The following DNAH11 variants were observed in gnomAD, a reference collection of about 807,000 sequenced individuals.
The protein encoded by DNAH11 is dynein axonemal heavy chain 11, also known as axonemal beta dynein heavy chain 11.
A neutral mutation model predicts 526.0 loss-of-function variants in DNAH11; 442 were observed. That is an observed-to-expected ratio of 0.84 (90% CI 0.78 to 0.91). The LOEUF (loss-of-function observed/expected upper bound fraction) is 0.91. DNAH11 is among the 40% of genes least tolerant of loss of function. DNAH11 has a pLI of 0.00. For missense variants in DNAH11, 6,989 were observed against 5,448.7 expected, an observed-to-expected ratio of 1.28 and a Z score of -8.90; for synonymous variants, 2,461 against 1,935.9, an observed-to-expected ratio of 1.27 and a Z score of -7.12.
chr7:21,819,624 G>A (rs1292973083), intron 65 of DNAH11, among the ~76,000 whole-genome samples: 8 of 152,096 alleles, frequency 5.3e-5, no homozygotes, highest in African/African-American at 1.2e-4. Context: ...TGTTCTCTGA[G>A]CTTCAATTTC....
At chr7:21,855,095 GA>G (rs1170119131) in intron 68 of DNAH11, among the ~76,000 whole-genome samples, 2 of 144,592 alleles carry the variant, frequency 1.4e-5, no homozygotes, top group African/African-American at 2.6e-5. Flanking sequence ...GCAGTGGCGC[GA>G]TCTTGGCTCA....
chr7:21,750,243 G>A lies in DNAH11; in HGVS notation c.8819G>A (p.Ser2940Asn). 6.2e-7 allele frequency: 1 copy of A among 1,606,242 alleles called. No individual in the cohort carries two copies. Residue 2940 changes from serine (S) to asparagine (N), a missense_variant, in exon 54 of 82, where the codon AGC becomes AAC. Ser to Asn is a conservative substitution (Grantham distance 46, BLOSUM62 1). Coordinates refer to ENST00000409508, the MANE Select transcript of DNAH11 (RefSeq NM_001277115.2). ...LASGEIPDLF[S>N]DEDVDKIISG... The stretch of plus-strand genomic sequence containing the variant: ...GCAGGAGAAATCCCAGATCTGTTCA[G>A]CGATGAAGATGTGGACAAGATAATT...
At position 21,778,957 on chromosome 7, in the gene DNAH11, G is replaced by T; in HGVS notation, c.9337-1G>T. The T allele has an allele frequency of 6.2e-7, 1 of 1,612,812 alleles. No homozygotes were observed. The stretch of plus-strand genomic sequence containing the variant: ...CGTAAGAATAATGACTTTTGCTTTA[G>T]GTGGGAGATCTAAAAGCCAGACTTG... On this transcript the variant is annotated splice_acceptor_variant, in intron 56 of 81. Coordinates refer to ENST00000409508, the MANE Select transcript of DNAH11 (RefSeq NM_001277115.2). LOFTEE classifies it high-confidence loss of function.
rs1465738261 is a variant in DNAH11 at position 21,543,569 on chromosome 7, C to A, written c.324C>A (p.Ala108=). Residue 108 remains alanine, a synonymous_variant, in exon 1 of 82, where the codon GCC becomes GCA. Transcript: ENST00000409508. ...CTTGCCTTGTGTTTAGCTTCGCCGC[C>A]TCGGGGCGCCTTGCGGCTTCCCAGG... The part of the protein sequence containing the change: ...SPACLVFSFA[A]SGRLAASQEI... The A allele has an allele frequency of 3.1e-6, 5 of 1,601,852 alleles. No individual in the cohort carries two copies. The South Asian group carries it at 5.6e-5, about 18-fold the overall frequency.
At chr7:21,663,368 G>A (rs971376905) in intron 30 of DNAH11, among the ~76,000 whole-genome samples, 2 of 151,952 alleles carry the variant, frequency 1.3e-5, no homozygotes, top group Non-Finnish European at 2.9e-5. Context: ...GTCAAATGCT[G>A]GTTCTATTAT....
chr7:21,706,436 C>G (rs1391035151), intron 39 of DNAH11, among the ~76,000 whole-genome samples: 2 of 151,442 alleles, frequency 1.3e-5, no homozygotes, highest in African/African-American at 4.9e-5. Flanking sequence ...GATCAGAACC[C>G]AAAGTGGAAC....
chr7:21,790,813 G>A (rs1314900743), intron 61 of DNAH11, among the ~76,000 whole-genome samples: 1 of 152,182 alleles, frequency 6.6e-6, no homozygotes, highest in African/African-American at 2.4e-5. Context: ...CATGAACAGG[G>A]AAATCATGAA....
chr7:21,619,083 T>C lies in DNAH11; in HGVS notation c.4255-17T>C, dbSNP rs761354812. ...TATATGTGGAATATAAAGTCTAACTTTTTTTCCCCCAATCAGGTCAAGTTT... is the reference window on the plus strand; with the variant it reads ...TATATGTGGAATATAAAGTCTAACTCTTTTTCCCCCAATCAGGTCAAGTTT... On this transcript the variant is annotated splice_polypyrimidine_tract_variant and intron_variant, in intron 23 of 81. Coordinates refer to ENST00000409508, the MANE Select transcript of DNAH11 (RefSeq NM_001277115.2). 29 of 1,613,004 alleles carry C rather than the reference T, an allele frequency of 1.8e-5. No homozygotes were observed. The highest frequency in any genetic ancestry group is 2.5e-5 in the Non-Finnish European group (29 of 1,179,400).
chr7:21,844,597 T>C (rs562434271), intron 66 of DNAH11, among the ~76,000 whole-genome samples: 84 of 152,300 alleles, frequency 5.5e-4, no homozygotes, highest in African/African-American at 1.7e-3. Flanking sequence ...GCCACCCTGG[T>C]ATAAATCAGT....
intron 52 of DNAH11, among the ~76,000 whole-genome samples, chr7:21,749,467 G>A (rs559001542): frequency 2.0e-5 from 3 of 152,212 alleles, no homozygotes; most frequent in South Asian, 2.1e-4. Context: ...CCAGAAACAC[G>A]ACACTCAACC....
intron 6 of DNAH11, among the ~76,000 whole-genome samples, chr7:21,567,900 A>C (rs186050107): frequency 6.6e-6 from 1 of 152,050 alleles, no homozygotes; most frequent in Non-Finnish European, 1.5e-5. Flanking sequence ...TTCTCTGGTA[A>C]CCTGACACTA....
intron 1 of DNAH11, 137 bp downstream of exon 1, chr7:21,543,733 A>G: frequency 1.1e-6 from 1 of 878,434 alleles, no homozygotes; most frequent in Non-Finnish European, 1.7e-6. Context: ...CCCCATCCTG[A>G]GGCCCGCAGG....
chr7:21,554,636 T>C (rs902020527), intron 2 of DNAH11, among the ~76,000 whole-genome samples: 3 of 152,200 alleles, frequency 2.0e-5, no homozygotes, highest in African/African-American at 7.2e-5. Context: ...GTGATAGATA[T>C]CATTTCAGCC....
At chr7:21,721,623 T>G (rs1784877345) in intron 44 of DNAH11, among the ~76,000 whole-genome samples, 1 of 152,156 alleles carries the variant, frequency 6.6e-6, no homozygotes, top group Non-Finnish European at 1.5e-5. Context: ...AAAGACATAC[T>G]GGTTTCTCTT....
rs1784670091 is a variant in DNAH11 at position 21,591,269 on chromosome 7, G to A, written c.2359G>A (p.Asp787Asn). The A allele has an allele frequency of 1.2e-6, 2 of 1,609,726 alleles. No individual in the cohort carries two copies. The highest frequency in any genetic ancestry group is 8.5e-7 in the Non-Finnish European group (1 of 1,177,546). Residue 787 changes from aspartate to asparagine, a missense_variant, in exon 14 of 82, where the codon GAT becomes AAT. Coordinates refer to ENST00000409508, the MANE Select transcript of DNAH11 (RefSeq NM_001277115.2). Reference sequence around the variant, plus strand: ...GGAAGTTGAATACCCTCTGATTGAAGATGAGCTGAGGGCTATTGACGAGCA... The same window carrying A: ...GGAAGTTGAATACCCTCTGATTGAAAATGAGCTGAGGGCTATTGACGAGCA... Reference protein sequence around the residue: ...LLEVEYPLIEDELRAIDEQLT... With the variant: ...LLEVEYPLIENELRAIDEQLT...
At chr7:21,750,142 A>G (rs1786348060) in intron 53 of DNAH11, 80 bp from the exon 54 acceptor site, 1 of 1,455,802 alleles carries the variant, frequency 6.9e-7, no homozygotes, top group Non-Finnish European at 9.1e-7. Flanking sequence ...GTCTTGTAAA[A>G]CATTTCAAAC....
intron 62 of DNAH11, among the ~76,000 whole-genome samples, chr7:21,807,541 C>T (rs573251938): frequency 6.6e-6 from 1 of 152,276 alleles, no homozygotes; most frequent in African/African-American, 2.4e-5. Flanking sequence ...GGCCACAGCT[C>T]TTGGTCATCT....
intron 2 of DNAH11, among the ~76,000 whole-genome samples, chr7:21,557,786 T>C (rs1188376178): frequency 6.6e-6 from 1 of 152,150 alleles, no homozygotes; most frequent in Non-Finnish European, 1.5e-5. Context: ...CTCCCGTGTT[T>C]TCATATGCAT....
chr7:21,898,737 A>G (rs886582914), intron 79 of DNAH11, among the ~76,000 whole-genome samples: 1 of 152,204 alleles, frequency 6.6e-6, no homozygotes, highest in Non-Finnish European at 1.5e-5. Context: ...CGAGAAGAGA[A>G]CATGTACGTA....
Sources: gnomAD v4.1 joint callset for allele counts (sites outside exome capture counted in the v4.1 genomes callset) on GRCh38, gnomAD v4.1.1 for gene constraint, MANE v1.5 for transcripts, NCBI Gene and HGNC (gene_info 2026-07-23, HGNC 2026-07-21) for gene names.